The following NRXN3 variants were observed in gnomAD, a reference collection of about 807,000 sequenced individuals.
NRXN3 encodes the protein neurexin III.
In NRXN3, 32 loss-of-function variants were observed where a neutral mutation model predicts 137.6. That is an observed-to-expected ratio of 0.23 (90% CI 0.18 to 0.31). The LOEUF is 0.31. NRXN3 is among the 10% of genes least tolerant of loss of function. The pLI is 1.00. For synonymous variants in NRXN3, 798 were observed against 784.5 expected, an observed-to-expected ratio of 1.02 and a Z score of -0.29; for missense variants, 1,574 against 2,062.5, an observed-to-expected ratio of 0.76 and a Z score of 4.59.
In NRXN3 at chr14:79,329,723, A is replaced by G. The variant is rs529811033; in HGVS notation, c.3263-137498A>G. On this transcript the variant is annotated intron_variant, in intron 15 of 20. Coordinates refer to ENST00000335750, the MANE Select transcript of NRXN3 (RefSeq NM_001330195.2). ...GAGAATTGCTTAGCTAGTGTGAGGT[A>G]AGTCAGGGAATTTCAGAAGAAAGCC... Among the ~76,000 whole-genome samples, 3 of 152,358 alleles carry G rather than the reference A, an allele frequency of 2.0e-5. No individual in the cohort carries two copies. The South Asian group carries it at 6.2e-4, about 32-fold the overall frequency.
At chr14:78,673,766 C>G (rs2097963956) in intron 6 of NRXN3, among the ~76,000 whole-genome samples, 1 of 152,098 alleles carries the variant, frequency 6.6e-6, no homozygotes, top group African/African-American at 2.4e-5. Context: ...TACTCATGAT[C>G]TAATTAGAAC....
chr14:78,259,648 G>A (rs755909555), intron 2 of NRXN3, among the ~76,000 whole-genome samples: 2 of 152,136 alleles, frequency 1.3e-5, no homozygotes, highest in Non-Finnish European at 2.9e-5. Flanking sequence ...GCCCAGAGGT[G>A]GGATGCTTGG....
At chr14:79,474,598 A>G (rs187336990) in intron 16 of NRXN3, among the ~76,000 whole-genome samples, 2 of 152,222 alleles carry the variant, frequency 1.3e-5, no homozygotes, top group East Asian at 1.9e-4. Flanking sequence ...GTGACCCTAT[A>G]GCCTCCTTGG....
chr14:79,318,765 T>C (rs2089418880), intron 15 of NRXN3, among the ~76,000 whole-genome samples: 1 of 152,214 alleles, frequency 6.6e-6, no homozygotes, highest in South Asian at 2.1e-4. Context: ...TTATCGGATT[T>C]CTATCACTAT....
At chr14:79,724,030 T>G (rs1568015716) in intron 19 of NRXN3, among the ~76,000 whole-genome samples, 2 of 152,168 alleles carry the variant, frequency 1.3e-5, no homozygotes, top group Non-Finnish European at 2.9e-5. Flanking sequence ...GTCTTCCAGG[T>G]TTACGGAAGA....
chr14:79,482,857 A>C (rs751985473), intron 16 of NRXN3, among the ~76,000 whole-genome samples: 3 of 152,150 alleles, frequency 2.0e-5, no homozygotes, highest in Non-Finnish European at 2.9e-5. Context: ...ACCCCCAGTT[A>C]TTTACAAGAT....
At chr14:79,173,299 G>A (rs1004860845) in intron 15 of NRXN3, among the ~76,000 whole-genome samples, 2 of 152,066 alleles carry the variant, frequency 1.3e-5, no homozygotes, top group African/African-American at 4.8e-5. Flanking sequence ...TAAGGCCAAT[G>A]TGGGAGGATC....
At chr14:79,006,099 T>A (rs138039054) in intron 15 of NRXN3, among the ~76,000 whole-genome samples, 2 of 119,260 alleles carry the variant, frequency 1.7e-5, no homozygotes, top group African/African-American at 1.3e-4. Context: ...AAGATATGCC[T>A]TAGAAAGATT....
At chr14:79,679,771 T>G (rs1269241893) in intron 17 of NRXN3, among the ~76,000 whole-genome samples, 1 of 152,228 alleles carries the variant, frequency 6.6e-6, no homozygotes, top group Non-Finnish European at 1.5e-5. Context: ...TTAACATTTG[T>G]GGATAATTTT....
chr14:78,814,049 A>G (rs909425080), intron 10 of NRXN3, among the ~76,000 whole-genome samples: 3 of 152,088 alleles, frequency 2.0e-5, no homozygotes, highest in African/African-American at 7.2e-5. Context: ...TACAAATCCT[A>G]CTACTCCTGC....
intron 20 of NRXN3, among the ~76,000 whole-genome samples, chr14:79,825,142 C>T (rs568645841): frequency 6.6e-6 from 1 of 151,570 alleles, no homozygotes; most frequent in East Asian, 1.9e-4. Flanking sequence ...GTTCTGCATC[C>T]TCTGCCAAAT....
At chr14:78,715,937 AG>A (rs1161632074) in intron 8 of NRXN3, among the ~76,000 whole-genome samples, 1 of 152,196 alleles carries the variant, frequency 6.6e-6, no homozygotes, top group African/African-American at 2.4e-5. Context: ...CATACCATAC[AG>A]GTTCACTGTA....
chr14:78,949,509 A>G (rs31436), intron 10 of NRXN3, among the ~76,000 whole-genome samples: 41,531 of 151,858 alleles, frequency 0.27, 8,454 homozygotes, highest in African/African-American at 0.56. Flanking sequence ...AATACATTGA[A>G]CACCCTCTTG....
At chr14:79,327,696 T>G (rs1477471693) in intron 15 of NRXN3, among the ~76,000 whole-genome samples, 2 of 152,228 alleles carry the variant, frequency 1.3e-5, no homozygotes, top group Non-Finnish European at 2.9e-5. Flanking sequence ...ATTCTGTGCT[T>G]CTTTTTATGA....
rs538216670 is a variant in NRXN3, at chr14:79,510,106, A to G, written c.3444+42704A>G. On this transcript the variant is annotated intron_variant, in intron 16 of 20. Coordinates refer to ENST00000335750, the MANE Select transcript of NRXN3 (RefSeq NM_001330195.2). ...AACACGTGCCATTAGAAAGCATATA[A>G]TTGTAAACCAAGAGCTTCTTTTCCG... Among the ~76,000 whole-genome samples the G allele has an allele frequency of 3.9e-5, 6 of 152,302 alleles. No homozygotes were observed. The South Asian group carries it at 1.2e-3, about 32-fold the overall frequency.
At chr14:79,223,037 C>G (rs930675087) in intron 15 of NRXN3, among the ~76,000 whole-genome samples, 1 of 152,090 alleles carries the variant, frequency 6.6e-6, no homozygotes. Context: ...ATAACCAAAG[C>G]CTTAGTAATC....
chr14:79,390,154 A>G (rs1052221510), intron 15 of NRXN3, among the ~76,000 whole-genome samples: 5 of 152,130 alleles, frequency 3.3e-5, no homozygotes, highest in African/African-American at 9.6e-5. Context: ...CGTCTCTACT[A>G]AGAATACAAA....
intron 15 of NRXN3, among the ~76,000 whole-genome samples, chr14:79,111,730 C>A: frequency 2.2e-5 from 3 of 135,116 alleles, no homozygotes; most frequent in African/African-American, 3.1e-5. Context: ...AGAGAGACTC[C>A]ATCTCAAAAA....
At chr14:78,823,808 G>A (rs1189042062) in intron 10 of NRXN3, among the ~76,000 whole-genome samples, 4 of 152,044 alleles carry the variant, frequency 2.6e-5, no homozygotes, top group African/African-American at 9.7e-5. Context: ...GTGCAATTGA[G>A]CTTCATGCCT....
Sources: allele counts gnomAD v4.1 joint callset (sites outside exome capture counted in the v4.1 genomes callset), GRCh38; gene constraint gnomAD v4.1.1; transcripts MANE v1.5; gene names NCBI Gene and HGNC (gene_info 2026-07-23, HGNC 2026-07-21).